LPIN1: variants seen among roughly 807,000 people sequenced by gnomAD.
The protein encoded by LPIN1 is lipin 1, also known as phosphatidate phosphatase LPIN1.
A neutral mutation model predicts 107.5 loss-of-function variants in LPIN1; 71 were observed. The ratio of observed to expected loss-of-function variants is 0.66; its 90% CI spans 0.55 to 0.80. The LOEUF is 0.80. LPIN1 is among the 30% of genes least tolerant of loss of function. The probability of loss-of-function intolerance (pLI) is 0.00; values close to 1 mark genes in which losing one functional copy is unlikely to be tolerated. For synonymous variants in LPIN1, 445 were observed against 452.6 expected (o/e 0.98, Z 0.21); for missense variants, 1,043 against 1,160.6 (o/e 0.90, Z 1.47).
At chr2:11,748,136 C>T (rs897866614) in intron 1 of LPIN1, among the ~76,000 whole-genome samples, 1 of 152,124 alleles carries the variant, frequency 6.6e-6, no homozygotes, top group South Asian at 2.1e-4. Flanking sequence ...GTAGGGGGGA[C>T]CTTGGAAGTG....
chr2:11,778,955 T>A (rs1446812764), intron 6 of LPIN1, among the ~76,000 whole-genome samples: 1 of 152,216 alleles, frequency 6.6e-6, no homozygotes, highest in Non-Finnish European at 1.5e-5. Context: ...AATTTCAACT[T>A]GTAGGCTCCT....
At position 11,767,672 on chromosome 2, in the gene LPIN1, T is replaced by A. The variant is rs907842135; in HGVS notation, c.193-91T>A. On this transcript the variant is annotated intron_variant, in intron 2 of 20. Transcript: ENST00000674199. ...TGGCACTTCAGGGTGTATGCGATGA[T>A]AGCGTATCTGTGGAGACTTGGCCGT... 5.0e-6 allele frequency: 4 copies of A among 806,044 alleles called. No homozygotes were observed. In the African/African-American group the frequency reaches 6.8e-5, roughly 14 times the overall value. The allele number at this position is 806,044 out of a possible 1,614,324, so 49.9% of individuals were successfully genotyped here.
At chr2:11,794,729 C>G (rs1676367487) in intron 13 of LPIN1, among the ~76,000 whole-genome samples, 2 of 152,226 alleles carry the variant, frequency 1.3e-5, no homozygotes. Context: ...CATCTCCGTC[C>G]TCCTTTGCCT....
chr2:11,744,841 G>A (rs1666732453), upstream of LPIN1, among the ~76,000 whole-genome samples: 2 of 152,170 alleles, frequency 1.3e-5, no homozygotes, highest in African/African-American at 2.4e-5. Flanking sequence ...TCTGGTCTCT[G>A]AGAAAACCCC....
chr2:11,700,491 C>G (rs571360225), intron 1 of LPIN1, among the ~76,000 whole-genome samples: 1 of 152,194 alleles, frequency 6.6e-6, no homozygotes, highest in South Asian at 2.1e-4. Flanking sequence ...CTCTCTCGCT[C>G]TCATTCTCTC....
At chr2:11,746,574 C>CCCCCGCCCCTG (rs1235422795), upstream of LPIN1, 8 of 902,826 alleles carry the variant, frequency 8.9e-6, no homozygotes, top group African/African-American at 3.6e-5. Context: ...CTGCCCTCTG[C>CCCCCGCCCCTG]CCCCGCCCCT....
At chr2:11,717,927 C>T (rs925539276) in intron 2 of LPIN1, among the ~76,000 whole-genome samples, 3 of 152,214 alleles carry the variant, frequency 2.0e-5, no homozygotes, top group Admixed American at 2.0e-4. Flanking sequence ...AGAAGTTGCT[C>T]TCTTTCAGTA....
In LPIN1 at chr2:11,746,644, C is replaced by T; in HGVS notation, c.-37C>T. The T allele has an allele frequency of 6.1e-6, 6 of 985,336 alleles. No homozygotes were observed. The highest frequency in any genetic ancestry group is 7.2e-6 in the Non-Finnish European group (6 of 829,898). The allele number at this position is 985,336 out of a possible 1,614,324, so 61.0% of individuals were successfully genotyped here. On this transcript the variant is annotated 5_prime_UTR_variant, in exon 1 of 21. Coordinates refer to ENST00000674199, the MANE Select transcript of LPIN1 (RefSeq NM_001349206.2). ...GGCGGCGGGCTGGGTGTTTGCAATA[C>T]AAAGGCGGCCACGCGCGGCGCCGCT...
chr2:11,816,770 T>A (rs1298826340), intron 18 of LPIN1: 2 of 151,792 alleles, frequency 1.3e-5, no homozygotes, highest in African/African-American at 4.8e-5. Flanking sequence ...AATTTTACTT[T>A]AAGTTCTGGG....
intron 1 of LPIN1, among the ~76,000 whole-genome samples, chr2:11,698,796 C>T (rs1662717997): frequency 6.6e-6 from 1 of 152,224 alleles, no homozygotes; most frequent in Non-Finnish European, 1.5e-5. Context: ...ACTTAGGAGT[C>T]TAAATGATGC....
chr2:11,753,741 G>T (rs1289389172), intron 1 of LPIN1, among the ~76,000 whole-genome samples: 1 of 152,194 alleles, frequency 6.6e-6, no homozygotes. Context: ...CCTCTTTGCC[G>T]TAAGTGTAAA....
At chr2:11,793,494 G>A (rs1385056578) in intron 13 of LPIN1, among the ~76,000 whole-genome samples, 1 of 152,190 alleles carries the variant, frequency 6.6e-6, no homozygotes, top group Non-Finnish European at 1.5e-5. Context: ...GAAGGCTTGT[G>A]TCCTTACCAC....
chr2:11,764,090 A>G (rs1487410624), intron 1 of LPIN1: 6 of 120,442 alleles, frequency 5.0e-5, no homozygotes, highest in Non-Finnish European at 1.0e-4. Flanking sequence ...ATATATATAT[A>G]TATATATATA....
intron 1 of LPIN1, among the ~76,000 whole-genome samples, chr2:11,696,563 TG>T (rs1366262986): frequency 1.3e-5 from 2 of 152,096 alleles, no homozygotes; most frequent in African/African-American, 4.8e-5. Flanking sequence ...GCCAGAGAAT[TG>T]GGTCCCGGTC....
In LPIN1 at chr2:11,677,750, A is replaced by C. The variant is rs1044886577; in HGVS notation, c.81+22A>C. On this transcript the variant is annotated intron_variant, in intron 1 of 21. Transcript: ENST00000449576. ...ATGGGTAAGGGCCGGCCATGTGGCC[A>C]TCTGCAAACACAGCCCCTGCTCTTC... 7 of 1,525,982 alleles carry C rather than the reference A, an allele frequency of 4.6e-6. No homozygotes were observed. The African/African-American group carries it at 9.6e-5, about 21-fold the overall frequency. 94.5% of individuals were successfully genotyped at this position (1,525,982 alleles called of 1,614,324 possible). A position where few individuals can be genotyped will look rare whatever the true frequency, so the allele number is the denominator to read the frequency against.
chr2:11,743,067 G>C (rs1032529835), upstream of LPIN1, among the ~76,000 whole-genome samples: 28 of 152,184 alleles, frequency 1.8e-4, no homozygotes, highest in African/African-American at 6.8e-4. This position sits in a 1 kb window ranked among gnomAD's most constrained non-coding sequence, Gnocchi z 4.7. Context: ...AGTTCACAGC[G>C]GCCTGAAGCA....
At chr2:11,775,293 G>A (rs1412071802) in intron 5 of LPIN1, among the ~76,000 whole-genome samples, 1 of 152,060 alleles carries the variant, frequency 6.6e-6, no homozygotes. Flanking sequence ...GAAAAATAGT[G>A]GTTTAGGAGG....
At position 11,799,947 on chromosome 2, in the gene LPIN1, C is replaced by T. The variant is rs531970365; in HGVS notation, c.1887-2960C>T. 9.2e-5 allele frequency among the ~76,000 whole-genome samples: 14 copies of T among 152,288 alleles called. 1 individual carries two copies. In the South Asian group the frequency reaches 1.7e-3, roughly 18 times the overall value. ...TCAGGATCAGCCCCCAATGTCATGG[C>T]GTTGTTCCATCCACGTGTAGCTTAG... On this transcript the variant is annotated intron_variant, in intron 14 of 20. Transcript: ENST00000674199.
rs1225275766 is a variant in LPIN1 at position 11,824,776 on chromosome 2, T to C, written c.2766T>C (p.His922=). Residue 922 remains histidine (H), a synonymous_variant, in exon 21 of 21, where the codon CAT becomes CAC. Coordinates refer to ENST00000674199, the MANE Select transcript of LPIN1 (RefSeq NM_001349206.2). Reference sequence around the variant, plus strand: ...CACCTTTTGAAAACCAGGACATTCATTCTGCCTCAGCGTAAAATGTCCCAA... The same window carrying C: ...CACCTTTTGAAAACCAGGACATTCACTCTGCCTCAGCGTAAAATGTCCCAA... The part of the protein sequence containing the change: ...PLPPFENQDI[H]SASA 1 of 1,614,228 alleles carries C rather than the reference T, an allele frequency of 6.2e-7. No homozygotes were observed. Among genetic ancestry groups the C allele is most frequent in the Non-Finnish European group, 8.5e-7 (1 of 1,180,040 alleles).
Sources: gnomAD v4.1 joint callset for allele counts (sites outside exome capture counted in the v4.1 genomes callset) on GRCh38, gnomAD v4.1.1 for gene constraint, Gnocchi (gnomAD v3.1) non-coding constraint, MANE v1.5 for transcripts, NCBI Gene and HGNC (gene_info 2026-07-23, HGNC 2026-07-21) for gene names.